The following LRIG2 variants were observed in gnomAD, a reference collection of about 807,000 sequenced individuals.
The protein encoded by LRIG2 is leucine rich repeats and immunoglobulin like domains 2.
LRIG2 carries 93 observed loss-of-function variants against 107.8 expected under a neutral mutation model. The ratio of observed to expected loss-of-function variants is 0.86; its 90% CI spans 0.73 to 1.03. The LOEUF (loss-of-function observed/expected upper bound fraction) is 1.03, where lower values mean the gene tolerates loss of function less well. Among genes scored for constraint, LRIG2 ranks in the 50% least tolerant of loss-of-function variants. The pLI, the probability that LRIG2 is intolerant of heterozygous loss-of-function variation, is 0.00. For synonymous variants in LRIG2, 471 were observed against 470.6 expected, an observed-to-expected ratio of 1.00 and a Z score of -0.01; for missense variants, 1,226 against 1,296.0, an observed-to-expected ratio of 0.95 and a Z score of 0.83.
chr1:113,122,653 G>A (rs1655314277), intron 17 of LRIG2, among the ~76,000 whole-genome samples: 1 of 152,180 alleles, frequency 6.6e-6, no homozygotes, highest in African/African-American at 2.4e-5. Context: ...GCAAATGAGA[G>A]TGCTTCGGCC....
intron 1 of LRIG2, among the ~76,000 whole-genome samples, chr1:113,076,198 G>T (rs1399855934): frequency 1.3e-5 from 2 of 151,638 alleles, no homozygotes; most frequent in African/African-American, 4.9e-5. Context: ...TAGAGACGGG[G>T]TTTCACCATG....
In LRIG2 at chr1:113,096,799, C is replaced by T. The variant is rs145827434; in HGVS notation, c.1091+434C>T. Among the ~76,000 whole-genome samples, 4 of 152,304 alleles carry T rather than the reference C, an allele frequency of 2.6e-5. No individual in the cohort carries two copies. In the East Asian group the frequency reaches 7.7e-4, roughly 29 times the overall value. ...TACTGGTTTGCTACATGACTTTGGA[C>T]AGAAGAAACTAATACTTATTATCTG... On this transcript the variant is annotated intron_variant, in intron 8 of 17. Transcript: ENST00000361127.
chr1:113,074,762 A>G (rs1440689067), intron 1 of LRIG2, among the ~76,000 whole-genome samples: 1 of 151,850 alleles, frequency 6.6e-6, no homozygotes, highest in Non-Finnish European at 1.5e-5. Flanking sequence ...CAAAAAAATT[A>G]GCTGGGTGTG....
At chr1:113,104,741 T>G (rs893129993) in intron 11 of LRIG2, among the ~76,000 whole-genome samples, 1 of 152,132 alleles carries the variant, frequency 6.6e-6, no homozygotes. Context: ...TTAGGTATAA[T>G]ATAAGCTGGA....
chr1:113,073,252 G>T lies in LRIG2; in HGVS notation c.-155G>T, dbSNP rs1457249265. The T allele has an allele frequency of 1.3e-5, 9 of 670,150 alleles. No homozygotes were observed. In the East Asian group the frequency reaches 2.0e-4, roughly 15 times the overall value. The allele number at this position is 670,150 out of a possible 1,614,324, so 41.5% of individuals were successfully genotyped here. A position where few individuals can be genotyped will look rare whatever the true frequency, so the allele number is the denominator to read the frequency against. On this transcript the variant is annotated 5_prime_UTR_variant, in exon 1 of 18. Transcript: ENST00000361127. ...CCCAGGCCGTCGACCCCGCTGTCGC[G>T]CTGCGTCTGCTCCTTGCATGCCTTT...
Position 113,110,469 on chromosome 1 carries a change from A to G in LRIG2, c.1705A>G (p.Asn569Asp). 1 of 1,613,780 alleles carries G rather than the reference A, an allele frequency of 6.2e-7. No individual in the cohort carries two copies. The highest frequency in any genetic ancestry group is 8.5e-7 in the Non-Finnish European group (1 of 1,179,610). Residue 569 changes from asparagine (N) to aspartate (D), a missense_variant, in exon 13 of 18, where the codon AAT becomes GAT. Physicochemically the swap from Asn to Asp is conservative, Grantham distance 23 (BLOSUM62 1). Transcript: ENST00000361127. ...LEYTSILHLF[N>D]VNFTDEGKYQ... ...ATATACTAGTATCTTACATCTTTTCAATGTGAATTTCACAGATGAAGGAAA... is the reference window on the plus strand; with the variant it reads ...ATATACTAGTATCTTACATCTTTTCGATGTGAATTTCACAGATGAAGGAAA...
chr1:113,087,088 AGG>A (rs1653587957), intron 1 of LRIG2, among the ~76,000 whole-genome samples: 1 of 152,194 alleles, frequency 6.6e-6, no homozygotes, highest in African/African-American at 2.4e-5. Flanking sequence ...GGCTGTAGTG[AGG>A]TGTGATGTCA....
rs776302791 is a variant in LRIG2 at position 113,123,915 on chromosome 1, A to C, written c.3012A>C (p.Leu1004=). Reference sequence around the variant, plus strand: ...CCGTGTGGAACATAAACAGAGAACTAGGCCTGCCTCATCCTCCTTTTTCCC... The same window carrying C: ...CCGTGTGGAACATAAACAGAGAACTCGGCCTGCCTCATCCTCCTTTTTCCC... ...QRPVWNINRE[L]GLPHPPFSQQ... The change falls in exon 18 of 18, where the codon CTA becomes CTC. Residue 1004 remains leucine, a synonymous_variant. Coordinates refer to ENST00000361127, the MANE Select transcript of LRIG2 (RefSeq NM_014813.3). The C allele has an allele frequency of 6.2e-7, 1 of 1,614,176 alleles. No homozygotes were observed. The highest frequency in any genetic ancestry group is 1.7e-5 in the Admixed American group (1 of 60,026).
chr1:113,093,274 T>G lies in LRIG2; in HGVS notation c.374T>G (p.Leu125Arg). The G allele has an allele frequency of 6.3e-7, 1 of 1,587,722 alleles. No homozygotes were observed. The highest frequency in any genetic ancestry group is 8.6e-7 in the Non-Finnish European group (1 of 1,166,366). Residue 125 changes from leucine to arginine, a missense_variant, in exon 3 of 18, where the codon CTT becomes CGT. This residue lies in a region of LRIG2 where 570 missense variants were observed against 550.2 expected (regional missense o/e 1.04). Transcript: ENST00000361127. ...FGEPTSNITL[L>R]SLVHNIIPEI... ...GAACCTACATCTAATATTACTCTACTTTCATTGTAAGTTAGTAAGTTTTCA... is the reference window on the plus strand; with the variant it reads ...GAACCTACATCTAATATTACTCTACGTTCATTGTAAGTTAGTAAGTTTTCA...
intron 1 of LRIG2, among the ~76,000 whole-genome samples, chr1:113,074,453 A>C (rs939389749): frequency 2.6e-5 from 4 of 152,186 alleles, no homozygotes; most frequent in Non-Finnish European, 2.9e-5. Flanking sequence ...TGGAACTTGG[A>C]GGGCTCCTTA....
intron 12 of LRIG2, among the ~76,000 whole-genome samples, chr1:113,108,240 T>C (rs930197494): frequency 6.6e-6 from 1 of 151,696 alleles, no homozygotes; most frequent in Non-Finnish European, 1.5e-5. Flanking sequence ...TTTTTTTTTT[T>C]TCTAATGGAG....
At chr1:113,090,853 A>G in intron 1 of LRIG2, among the ~76,000 whole-genome samples, 1 of 149,928 alleles carries the variant, frequency 6.7e-6, no homozygotes, top group Non-Finnish European at 1.5e-5. Flanking sequence ...GAAAACAAAA[A>G]AATTTTTTTT....
chr1:113,104,976 T>C (rs1654471713), intron 11 of LRIG2, among the ~76,000 whole-genome samples: 1 of 152,014 alleles, frequency 6.6e-6, no homozygotes, highest in Admixed American at 6.6e-5. Context: ...TGAAACCCTG[T>C]CTCTACTAAA....
chr1:113,112,449 A>G (rs1259875241), intron 13 of LRIG2, 30 bp from the exon 14 acceptor site: 2 of 1,585,290 alleles, frequency 1.3e-6, no homozygotes, highest in Admixed American at 1.7e-5. Context: ...TCCCTTGCCC[A>G]CTTTTTCTTG....
intron 1 of LRIG2, among the ~76,000 whole-genome samples, chr1:113,078,985 A>G (rs2101014260): frequency 6.6e-6 from 1 of 152,248 alleles, no homozygotes; most frequent in East Asian, 1.9e-4. Flanking sequence ...TTGCGGTTGG[A>G]TAATCTAGCT....
rs745457961 is a variant in LRIG2 at position 113,114,727 on chromosome 1, G to C, written c.2381G>C (p.Ser794Thr). 2 of 1,614,180 alleles carry C rather than the reference G, an allele frequency of 1.2e-6. No individual in the cohort carries two copies. Among genetic ancestry groups the C allele is most frequent in the Non-Finnish European group, 1.7e-6 (2 of 1,180,036 alleles). The part of the protein sequence containing the change: ...ISSPNCDSSQ[S>T]SIGHEDDGWT... ...TCCCCCAATTGTGACTCTTCCCAGA[G>C]TAGCATTGGGCATGAAGATGATGGC... Residue 794 changes from serine to threonine, a missense_variant, in exon 15 of 18, where the codon AGT becomes ACT. Physicochemically the swap from Ser to Thr is moderately conservative, Grantham distance 58. This residue lies in a region of LRIG2 where 642 missense variants were observed against 712.2 expected (regional missense o/e 0.90). Transcript: ENST00000361127.
chr1:113,082,459 C>T (rs1478000455), intron 1 of LRIG2, among the ~76,000 whole-genome samples: 3 of 152,162 alleles, frequency 2.0e-5, no homozygotes, highest in East Asian at 3.8e-4. Context: ...TTAACTGGCT[C>T]ACAGTTCTGT....
intron 8 of LRIG2, 24 bp from the exon 9 acceptor site, chr1:113,098,680 CT>C: frequency 6.9e-7 from 1 of 1,454,988 alleles, no homozygotes; most frequent in Non-Finnish European, 9.7e-7. Context: ...CTAATAGCAC[CT>C]GTCTTTCTCT....
chr1:113,114,014 A>AAC (rs1303519150), intron 14 of LRIG2, among the ~76,000 whole-genome samples: 4 of 152,166 alleles, frequency 2.6e-5, no homozygotes, highest in Admixed American at 2.6e-4. Flanking sequence ...AAGTCTTTGT[A>AAC]AAAGATCATG....
Sources: allele counts gnomAD v4.1 joint callset (sites outside exome capture counted in the v4.1 genomes callset), GRCh38; gene constraint gnomAD v4.1.1; regional missense constraint gnomAD v4.1.1; transcripts MANE v1.5; gene names NCBI Gene and HGNC (gene_info 2026-07-23, HGNC 2026-07-21).